PLCE1: variants seen among roughly 807,000 people sequenced by gnomAD.
PLCE1 encodes 1-phosphatidylinositol 4,5-bisphosphate phosphodiesterase epsilon-1.
In PLCE1, 119 loss-of-function variants were observed where a neutral mutation model predicts 242.8. The observed-to-expected ratio is 0.49, with a 90% confidence interval of 0.42 to 0.57. The LOEUF (loss-of-function observed/expected upper bound fraction) is 0.57. Ranked by LOEUF, PLCE1 falls within the 20% of genes least tolerant of loss-of-function variation. PLCE1 has a pLI of 0.00. For missense variants in PLCE1, 2,441 were observed against 2,788.8 expected, an observed-to-expected ratio of 0.88 and a Z score of 2.81; for synonymous variants, 945 against 1,017.4, an observed-to-expected ratio of 0.93 and a Z score of 1.35.
chr10:94,166,539 C>G (rs1024580096), intron 3 of PLCE1, among the ~76,000 whole-genome samples: 1 of 151,626 alleles, frequency 6.6e-6, no homozygotes, highest in African/African-American at 2.4e-5. Context: ...GTATTCCTGC[C>G]TAACTCTTCA....
At chr10:94,037,779 G>A (rs547091438) in intron 2 of PLCE1, among the ~76,000 whole-genome samples, 5 of 152,222 alleles carry the variant, frequency 3.3e-5, no homozygotes, top group East Asian at 1.9e-4. Context: ...ATGTCCCCCC[G>A]CATCTCTGTA....
intron 2 of PLCE1, among the ~76,000 whole-genome samples, chr10:94,124,070 T>G (rs140946695): frequency 2.0e-5 from 3 of 152,266 alleles, no homozygotes; most frequent in African/African-American, 7.2e-5. Context: ...AAATTAAGTT[T>G]AATTATACCC....
intron 4 of PLCE1, among the ~76,000 whole-genome samples, chr10:94,197,626 A>G (rs1243780621): frequency 6.6e-6 from 1 of 152,176 alleles, no homozygotes; most frequent in Non-Finnish European, 1.5e-5. Flanking sequence ...TCTTCTTTGG[A>G]TAAATCTCTG....
chr10:94,089,541 T>TCTAAAATGTTTTAAC (rs1221755722), intron 2 of PLCE1, among the ~76,000 whole-genome samples: 3 of 152,254 alleles, frequency 2.0e-5, no homozygotes, highest in Non-Finnish European at 2.9e-5. Flanking sequence ...TAAGAAAGTT[T>TCTAAAATGTTTTAAC]CTAAAATGTT....
At position 94,235,427 on chromosome 10, in the gene PLCE1, G is replaced by T. The variant is rs1441713170; in HGVS notation, c.2215-488G>T. ...CCTAATCAACTGTATGAACAATAAGGCTTAAAGAGCTTAAAAACCAGGAAG... is the reference window on the plus strand; with the variant it reads ...CCTAATCAACTGTATGAACAATAAGTCTTAAAGAGCTTAAAAACCAGGAAG... On this transcript the variant is annotated intron_variant, in intron 6 of 32. Transcript: ENST00000371380. Among the ~76,000 whole-genome samples, 4 of 152,108 alleles carry T rather than the reference G, an allele frequency of 2.6e-5. No homozygotes were observed. The South Asian group carries it at 8.3e-4, about 31-fold the overall frequency.
rs760948066 is a variant in PLCE1 at position 94,106,395 on chromosome 10, A to G, written c.1207-25779A>G. 2.6e-5 allele frequency among the ~76,000 whole-genome samples: 4 copies of G among 152,318 alleles called. No homozygotes were observed. In the East Asian group the frequency reaches 7.7e-4, roughly 29 times the overall value. ...GCCACATTATTTTTCATTGTTGCCT[A>G]GTATACTCTTGTATGGATACACACC... On this transcript the variant is annotated intron_variant, in intron 2 of 32. Transcript: ENST00000371380.
intron 2 of PLCE1, chr10:94,094,897 C>T (rs1427109307): frequency 6.6e-6 from 1 of 152,194 alleles, no homozygotes; most frequent in Non-Finnish European, 1.5e-5. Context: ...ACTAAATTAA[C>T]TGCCCCTTTC....
chr10:94,274,382 C>T lies in PLCE1; in HGVS notation c.4665+662C>T, dbSNP rs2051867824. Among the ~76,000 whole-genome samples, 3 of 152,212 alleles carry T rather than the reference C, an allele frequency of 2.0e-5. No individual in the cohort carries two copies. The South Asian group carries it at 6.2e-4, about 32-fold the overall frequency. ...TGGAAACTAGCCAGCTACAGACTTG[C>T]TCTCAGGCTGGCTCAAAGAGTACAG... On this transcript the variant is annotated intron_variant, in intron 19 of 32. Coordinates refer to ENST00000371380, the MANE Select transcript of PLCE1 (RefSeq NM_016341.4).
intron 4 of PLCE1, among the ~76,000 whole-genome samples, chr10:94,218,993 A>T (rs2049629730): frequency 1.4e-5 from 2 of 147,734 alleles, no homozygotes; most frequent in Non-Finnish European, 3.0e-5. Flanking sequence ...TTATATATAA[A>T]TAATTATTAA....
At chr10:94,322,187 G>C in intron 30 of PLCE1, 128 bp downstream of exon 30, 1 of 887,774 alleles carries the variant, frequency 1.1e-6, no homozygotes, top group Non-Finnish European at 1.8e-6. Context: ...AGGGGAGTGT[G>C]TGCCTCTTAA....
At chr10:94,232,565 T>C (rs578257848) in intron 5 of PLCE1, among the ~76,000 whole-genome samples, 1 of 152,178 alleles carries the variant, frequency 6.6e-6, no homozygotes, top group African/African-American at 2.4e-5. Flanking sequence ...CTTTTAGGTT[T>C]TCTTACTAGT....
chr10:94,258,614 A>G (rs779986168), intron 11 of PLCE1, among the ~76,000 whole-genome samples, 186 bp from the exon 12 acceptor site: 4 of 152,228 alleles, frequency 2.6e-5, no homozygotes, highest in Non-Finnish European at 5.9e-5. Context: ...CACATAGAAC[A>G]TGTTTTATTT....
intron 22 of PLCE1, chr10:94,287,480 A>AG (rs1427807086): frequency 6.6e-6 from 1 of 151,910 alleles, no homozygotes; most frequent in Non-Finnish European, 1.5e-5. Context: ...AAAAAAAAAA[A>AG]AAACCCTTCA....
At chr10:94,323,051 A>G (rs184625228) in intron 30 of PLCE1, among the ~76,000 whole-genome samples, 74 of 152,306 alleles carry the variant, frequency 4.9e-4, no homozygotes, top group African/African-American at 1.6e-3. Context: ...GGATCTCTAT[A>G]AAGCATTGAT....
chr10:94,117,168 T>G (rs1020272699), intron 2 of PLCE1, among the ~76,000 whole-genome samples: 1 of 152,182 alleles, frequency 6.6e-6, no homozygotes, highest in African/African-American at 2.4e-5. Flanking sequence ...AGGTTGGGAC[T>G]CTTGTGGTGA....
chr10:94,110,999 T>A (rs2135633411), intron 2 of PLCE1, among the ~76,000 whole-genome samples: 1 of 152,274 alleles, frequency 6.6e-6, no homozygotes, highest in Non-Finnish European at 1.5e-5. Context: ...TTGCCAAATG[T>A]CCCTGGTGTG....
At chr10:94,243,136 T>C (rs2050564092) in intron 7 of PLCE1, among the ~76,000 whole-genome samples, 1 of 152,144 alleles carries the variant, frequency 6.6e-6, no homozygotes, top group African/African-American at 2.4e-5. Context: ...CTCAGCCAGG[T>C]GATCAGTATC....
At chr10:94,179,580 A>G (rs1207952300) in intron 4 of PLCE1, among the ~76,000 whole-genome samples, 2 of 135,454 alleles carry the variant, frequency 1.5e-5, no homozygotes, top group East Asian at 2.2e-4. Flanking sequence ...ATCTTTGCTC[A>G]GTGCAGCCTC....
Position 94,229,134 on chromosome 10 carries a change from T to G in PLCE1, c.1955+1683T>G, listed in dbSNP as rs183520417. On this transcript the variant is annotated intron_variant, in intron 5 of 32. Transcript: ENST00000371380. ...AGGTGGAGGTTGCAGTGAGCCGAGATCATGCCATTGCGCTCCAGCCTGGGC... is the reference window on the plus strand; with the variant it reads ...AGGTGGAGGTTGCAGTGAGCCGAGAGCATGCCATTGCGCTCCAGCCTGGGC... Among the ~76,000 whole-genome samples, 6 of 150,972 alleles carry G rather than the reference T, an allele frequency of 4.0e-5. No homozygotes were observed. The East Asian group carries it at 1.2e-3, about 29-fold the overall frequency.
Sources: gnomAD v4.1 joint callset for allele counts (sites outside exome capture counted in the v4.1 genomes callset) on GRCh38, gnomAD v4.1.1 for gene constraint, MANE v1.5 for transcripts, NCBI Gene and HGNC (gene_info 2026-07-23, HGNC 2026-07-21) for gene names.